The following GALNT18 variants were observed in gnomAD, a reference collection of about 807,000 sequenced individuals.
GALNT18 encodes GalNAc-transferase 18.
GALNT18 carries 44 observed loss-of-function variants against 69.5 expected under a neutral mutation model. That is an observed-to-expected ratio of 0.63 (90% CI 0.50 to 0.81). The LOEUF (loss-of-function observed/expected upper bound fraction) is 0.81, where lower values mean the gene tolerates loss of function less well. GALNT18 is among the 40% of genes least tolerant of loss of function. The pLI, the probability that GALNT18 is intolerant of heterozygous loss-of-function variation, is 0.00. For missense variants in GALNT18, 715 were observed against 810.0 expected (o/e 0.88, Z 1.42); for synonymous variants, 364 against 318.2 (o/e 1.14, Z -1.53).
intron 1 of GALNT18, among the ~76,000 whole-genome samples, chr11:11,550,605 A>G (rs1858164989): frequency 6.6e-6 from 1 of 152,222 alleles, no homozygotes. Flanking sequence ...ACAAGTGCAT[A>G]GGATACTCAT....
rs1352336218 is a variant in GALNT18 at position 11,389,296 on chromosome 11, C to T, written c.596-10032G>A. Among the ~76,000 whole-genome samples, 1 of 152,204 alleles carries T rather than the reference C, an allele frequency of 6.6e-6. No individual in the cohort carries two copies. Among genetic ancestry groups the T allele is most frequent in the South Asian group, 2.1e-4 (1 of 4,828 alleles). ...CAGCTTTGTAGGCTCAACAGAAGCTCTTCCCCTGGGACCATAACTCCGTGT... is the reference window on the plus strand; with the variant it reads ...CAGCTTTGTAGGCTCAACAGAAGCTTTTCCCCTGGGACCATAACTCCGTGT... On this transcript the variant is annotated intron_variant, in intron 3 of 10. Coordinates refer to ENST00000227756, the MANE Select transcript of GALNT18 (RefSeq NM_198516.3). This position sits in a 1 kb window ranked among gnomAD's most constrained non-coding sequence, Gnocchi z 4.3.
intron 1 of GALNT18, among the ~76,000 whole-genome samples, chr11:11,568,459 C>T (rs1348833232): frequency 5.3e-5 from 8 of 152,090 alleles, no homozygotes; most frequent in African/African-American, 1.2e-4. Context: ...TGAATCTTCC[C>T]GGCAACACCC....
chr11:11,519,176 C>T (rs193128348), intron 1 of GALNT18, among the ~76,000 whole-genome samples: 1 of 152,328 alleles, frequency 6.6e-6, no homozygotes, highest in East Asian at 1.9e-4. Context: ...GGGGATGCAT[C>T]AGCCCAGAGG....
rs190242280 is a variant in GALNT18, at chr11:11,413,458, T to C, written c.595+19163A>G. On this transcript the variant is annotated intron_variant, in intron 3 of 10. Coordinates refer to ENST00000227756, the MANE Select transcript of GALNT18 (RefSeq NM_198516.3). The surrounding 1 kb of genome is among the most constrained non-coding windows in gnomAD (Gnocchi z 4.7). ...TGATCATCCTACGGACGATTCCTTA[T>C]TCACGTTCATTCTTCTCCAGCTCCC... Among the ~76,000 whole-genome samples, 57 of 152,340 alleles carry C rather than the reference T, an allele frequency of 3.7e-4. 2 individuals are homozygous for C. The East Asian group carries it at 9.9e-3, about 26-fold the overall frequency.
Position 11,436,387 on chromosome 11 carries a change from C to T in GALNT18, c.429-3600G>A, listed in dbSNP as rs1185707708. ...ACACATCCCCTTGCCACCATCGTGA[C>T]TATGTAGGGTGACAAGCTCATCCCA... On this transcript the variant is annotated intron_variant, in intron 2 of 10. Transcript: ENST00000227756. The surrounding 1 kb of genome is among the most constrained non-coding windows in gnomAD (Gnocchi z 4.5). Among the ~76,000 whole-genome samples, 1 of 151,940 alleles carries T rather than the reference C, an allele frequency of 6.6e-6. No individual in the cohort carries two copies. Among genetic ancestry groups the T allele is most frequent in the African/African-American group, 2.4e-5 (1 of 41,406 alleles).
At chr11:11,353,129 G>C (rs758648808) in intron 6 of GALNT18, 2 of 1,613,752 alleles carry the variant, frequency 1.2e-6, no homozygotes, top group Non-Finnish European at 1.7e-6. Context: ...TGTCAGACAG[G>C]TTGGCGGACA....
chr11:11,336,395 G>A (rs1850114558), intron 7 of GALNT18, among the ~76,000 whole-genome samples: 1 of 152,170 alleles, frequency 6.6e-6, no homozygotes, highest in Admixed American at 6.5e-5. Flanking sequence ...TGTCTGTCCA[G>A]CATGAACATT....
In GALNT18 at chr11:11,377,433, C is replaced by A; in HGVS notation, c.780-54G>T. ...GTAACCATTTCCAAGGTGGAAAAATCCAGAGTAGCATCTCCTGAAGGTCCT... is the reference window on the plus strand; with the variant it reads ...GTAACCATTTCCAAGGTGGAAAAATACAGAGTAGCATCTCCTGAAGGTCCT... On this transcript the variant is annotated intron_variant, in intron 4 of 10. Transcript: ENST00000227756. The surrounding 1 kb of genome is among the most constrained non-coding windows in gnomAD (Gnocchi z 4.6). 3 of 1,529,440 alleles carry A rather than the reference C, an allele frequency of 2.0e-6. No homozygotes were observed. The highest frequency in any genetic ancestry group is 2.7e-6 in the Non-Finnish European group (3 of 1,105,578). The allele number at this position is 1,529,440 out of a possible 1,614,324, so 94.7% of individuals were successfully genotyped here.
chr11:11,284,843 T>C (rs1239112986), intron 10 of GALNT18, among the ~76,000 whole-genome samples: 1 of 139,972 alleles, frequency 7.1e-6, no homozygotes, highest in Non-Finnish European at 1.6e-5. Flanking sequence ...CTTTTTTTGG[T>C]AGAGTTAAGT....
intron 9 of GALNT18, among the ~76,000 whole-genome samples, chr11:11,303,517 C>T (rs1215479659): frequency 6.6e-6 from 1 of 152,088 alleles, no homozygotes; most frequent in African/African-American, 2.4e-5. Context: ...CTAGCTATAC[C>T]TGTGGCCATT....
At chr11:11,578,004 C>CAAATCTTG (rs71037029) in intron 1 of GALNT18, among the ~76,000 whole-genome samples, 1 of 151,908 alleles carries the variant, frequency 6.6e-6, no homozygotes, top group African/African-American at 2.4e-5. Flanking sequence ...CAGGACCCTT[C>CAAATCTTG]CCTAAAATGA....
At chr11:11,321,514 C>T (rs1404413127) in intron 9 of GALNT18, among the ~76,000 whole-genome samples, 1 of 152,180 alleles carries the variant, frequency 6.6e-6, no homozygotes. Context: ...CTCAGGCATC[C>T]CAATGCCCAC....
At chr11:11,487,100 A>G (rs753879318) in intron 1 of GALNT18, among the ~76,000 whole-genome samples, 25 of 152,158 alleles carry the variant, frequency 1.6e-4, no homozygotes, top group Non-Finnish European at 3.1e-4. Context: ...AAGCTACTCA[A>G]TTAATGCTCT....
Position 11,430,406 on chromosome 11 carries a change from A to T in GALNT18, c.595+2215T>A, listed in dbSNP as rs1855239265. Among the ~76,000 whole-genome samples the T allele has an allele frequency of 6.6e-6, 1 of 152,218 alleles. No individual in the cohort carries two copies. Among genetic ancestry groups the T allele is most frequent in the Admixed American group, 6.5e-5 (1 of 15,286 alleles). Reference sequence around the variant, plus strand: ...ACAGAGCTTGTTCGGATCTCTCCTTACATAGGCAGGCACTGGTTTGGGTGT... The same window carrying T: ...ACAGAGCTTGTTCGGATCTCTCCTTTCATAGGCAGGCACTGGTTTGGGTGT... On this transcript the variant is annotated intron_variant, in intron 3 of 10. Coordinates refer to ENST00000227756, the MANE Select transcript of GALNT18 (RefSeq NM_198516.3). This position sits in a 1 kb window ranked among gnomAD's most constrained non-coding sequence, Gnocchi z 4.9.
chr11:11,585,501 A>G (rs1172479641), intron 1 of GALNT18, among the ~76,000 whole-genome samples: 9 of 152,048 alleles, frequency 5.9e-5, no homozygotes, highest in Non-Finnish European at 1.5e-5. Flanking sequence ...GATTACAGGC[A>G]TGCGCCACCA....
Position 11,563,751 on chromosome 11 carries a change from CT to C in GALNT18, c.235+57607del, listed in dbSNP as rs1461621413. Among the ~76,000 whole-genome samples the C allele has an allele frequency of 3.3e-5, 5 of 152,326 alleles. No homozygotes were observed. The East Asian group carries it at 9.7e-4, about 29-fold the overall frequency. Reference sequence around the variant, plus strand: ...CCAGCCCTGCCTCCCTAGCACCACACTTTTGTGGAAACTATTCTGAGAAATC... The same window carrying C: ...CCAGCCCTGCCTCCCTAGCACCACACTTTGTGGAAACTATTCTGAGAAATC... On this transcript the variant is annotated intron_variant, in intron 1 of 10. Coordinates refer to ENST00000227756, the MANE Select transcript of GALNT18 (RefSeq NM_198516.3). This position sits in a 1 kb window ranked among gnomAD's most constrained non-coding sequence, Gnocchi z 4.6.
In GALNT18 at chr11:11,466,000, G is replaced by A. The variant is rs1856148523; in HGVS notation, c.236-17064C>T. 6.6e-6 allele frequency among the ~76,000 whole-genome samples: 1 copy of A among 152,286 alleles called. No individual in the cohort carries two copies. On this transcript the variant is annotated intron_variant, in intron 1 of 10. Coordinates refer to ENST00000227756, the MANE Select transcript of GALNT18 (RefSeq NM_198516.3). This position sits in a 1 kb window ranked among gnomAD's most constrained non-coding sequence, Gnocchi z 5.7. Reference sequence around the variant, plus strand: ...ACAGGAGGCATCCATCCAGACCAGTGCTTCTCAGCTCTTCTCAATCATAAC... The same window carrying A: ...ACAGGAGGCATCCATCCAGACCAGTACTTCTCAGCTCTTCTCAATCATAAC...
intron 1 of GALNT18, among the ~76,000 whole-genome samples, chr11:11,476,997 C>T (rs1419388977): frequency 6.6e-6 from 1 of 152,120 alleles, no homozygotes; most frequent in African/African-American, 2.4e-5. Flanking sequence ...CCACCCATCC[C>T]CGAGGGAAAG....
At chr11:11,275,974 C>A (rs990631465) in intron 10 of GALNT18, among the ~76,000 whole-genome samples, 8 of 152,138 alleles carry the variant, frequency 5.3e-5, no homozygotes, top group Non-Finnish European at 1.2e-4. Flanking sequence ...CCTGATGCAT[C>A]CAGCTTTGTT....
Sources: allele counts gnomAD v4.1 joint callset (sites outside exome capture counted in the v4.1 genomes callset), GRCh38; gene constraint gnomAD v4.1.1; non-coding constraint Gnocchi (gnomAD v3.1); transcripts MANE v1.5; gene names NCBI Gene and HGNC (gene_info 2026-07-23, HGNC 2026-07-21).